ERC2: variants seen among roughly 807,000 people sequenced by gnomAD.
ERC2 encodes ELKS/RAB6-interacting/CAST family member 2.
ERC2 carries 42 observed loss-of-function variants against 114.8 expected under a neutral mutation model. The observed-to-expected ratio is 0.37, with a 90% CI of 0.29 to 0.47. ERC2 has a LOEUF of 0.47. Among genes scored for constraint, ERC2 ranks in the 20% least tolerant of loss-of-function variants. The pLI is 0.99. For missense variants in ERC2, 939 were observed against 1,150.7 expected (o/e 0.82, Z 2.66); for synonymous variants, 454 against 425.5 (o/e 1.07, Z -0.82).
chr3:56,048,237 C>T (rs2075577778), intron 7 of ERC2, among the ~76,000 whole-genome samples: 1 of 152,164 alleles, frequency 6.6e-6, no homozygotes. Flanking sequence ...CAGGAAGAAG[C>T]TATAAGCCAA....
chr3:55,643,373 A>G (rs1423332664), intron 17 of ERC2, among the ~76,000 whole-genome samples: 3 of 152,246 alleles, frequency 2.0e-5, no homozygotes, highest in African/African-American at 7.2e-5. Flanking sequence ...GTGGATATAG[A>G]GCACTGGCAA....
At chr3:56,426,259 T>A (rs2061566552) in intron 2 of ERC2, among the ~76,000 whole-genome samples, 3 of 152,102 alleles carry the variant, frequency 2.0e-5, no homozygotes, top group Admixed American at 2.0e-4. Flanking sequence ...AGTGAGTACA[T>A]CTGAGTCGCT....
chr3:55,526,216 G>C (rs1308125771), intron 17 of ERC2, among the ~76,000 whole-genome samples: 1 of 152,136 alleles, frequency 6.6e-6, no homozygotes, highest in Non-Finnish European at 1.5e-5. Context: ...TTCGAAGAGG[G>C]AATGGCCCTG....
chr3:55,639,623 T>C (rs529749082), intron 17 of ERC2, among the ~76,000 whole-genome samples: 11 of 151,594 alleles, frequency 7.3e-5, no homozygotes, highest in Non-Finnish European at 1.5e-4. Flanking sequence ...GTTGCTTAAA[T>C]CTACGTCAGT....
intron 13 of ERC2, among the ~76,000 whole-genome samples, chr3:55,946,081 TA>T: frequency 6.7e-6 from 1 of 148,740 alleles, no homozygotes; most frequent in East Asian, 2.0e-4. Flanking sequence ...AAAAAATAAA[TA>T]AAAATAAAAA....
At chr3:56,219,413 T>C (rs1286703582) in intron 3 of ERC2, among the ~76,000 whole-genome samples, 1 of 152,064 alleles carries the variant, frequency 6.6e-6, no homozygotes, top group African/African-American at 2.4e-5. Flanking sequence ...TAAACAGACA[T>C]CTGGGGAATG....
chr3:55,838,173 C>T (rs187573147), intron 14 of ERC2, among the ~76,000 whole-genome samples: 4,832 of 151,638 alleles, frequency 0.032, 121 homozygotes, highest in Middle Eastern at 0.061. Context: ...AAATCAACAA[C>T]GGGATAGAAG....
intron 2 of ERC2, among the ~76,000 whole-genome samples, chr3:56,386,620 T>C (rs1203997107): frequency 6.6e-6 from 1 of 152,146 alleles, no homozygotes; most frequent in Non-Finnish European, 1.5e-5. Context: ...GTCATTCTGA[T>C]TATAAGCAGG....
chr3:56,250,070 C>A (rs1051766610), intron 3 of ERC2, among the ~76,000 whole-genome samples: 3 of 151,520 alleles, frequency 2.0e-5, no homozygotes, highest in Non-Finnish European at 4.4e-5. Flanking sequence ...TTGGGCCAGG[C>A]TGGTCTTGAA....
intron 17 of ERC2, among the ~76,000 whole-genome samples, chr3:55,619,983 A>C (rs935776720): frequency 4.6e-5 from 7 of 152,188 alleles, no homozygotes; most frequent in African/African-American, 1.7e-4. Context: ...CATTAAAGAA[A>C]TTTCACTGAC....
chr3:56,033,852 G>C (rs887893177), intron 7 of ERC2, among the ~76,000 whole-genome samples: 2 of 152,084 alleles, frequency 1.3e-5, no homozygotes, highest in African/African-American at 4.8e-5. Flanking sequence ...TTGGAAGGCA[G>C]TGGCATGATC....
chr3:55,646,233 T>C (rs2060392510), intron 17 of ERC2, among the ~76,000 whole-genome samples: 1 of 152,254 alleles, frequency 6.6e-6, no homozygotes, highest in African/African-American at 2.4e-5. Flanking sequence ...CCTGCAATTC[T>C]TAATCCAACC....
intron 6 of ERC2, among the ~76,000 whole-genome samples, chr3:56,113,392 A>AT (rs2079062431): frequency 6.6e-6 from 1 of 152,204 alleles, no homozygotes; most frequent in Non-Finnish European, 1.5e-5. Flanking sequence ...TGCTGACCAT[A>AT]AAGATACCTC....
intron 15 of ERC2, among the ~76,000 whole-genome samples, chr3:55,707,670 C>T (rs1328514001): frequency 1.3e-5 from 2 of 152,176 alleles, no homozygotes; most frequent in Admixed American, 6.5e-5. Context: ...AAATAATAAC[C>T]AATGCCTGCT....
intron 14 of ERC2, among the ~76,000 whole-genome samples, chr3:55,816,365 G>A (rs1240038294): frequency 6.6e-6 from 1 of 152,200 alleles, no homozygotes; most frequent in East Asian, 1.9e-4. Flanking sequence ...GAATATGAGT[G>A]TGAGCCTTAT....
chr3:55,985,232 C>T (rs1296833745), intron 12 of ERC2, among the ~76,000 whole-genome samples: 1 of 152,166 alleles, frequency 6.6e-6, no homozygotes, highest in African/African-American at 2.4e-5. Flanking sequence ...GCTTGGGCCT[C>T]CTACATTGGA....
At chr3:56,467,739 AT>A (rs1559542392) in intron 1 of ERC2, among the ~76,000 whole-genome samples, 3 of 151,900 alleles carry the variant, frequency 2.0e-5, no homozygotes, top group Non-Finnish European at 4.4e-5. Flanking sequence ...TTAAAAAAAA[AT>A]ATGCTCCCCT....
rs35237655 is a variant in ERC2 at position 56,353,807 on chromosome 3, A to AATATAT, written c.658-57378_658-57373dup. ...TACCCTAGAACTTAACGTATAATAAAATATATATATATATATAAAGAAATA... is the reference window on the plus strand; with the variant it reads ...TACCCTAGAACTTAACGTATAATAAAATATATATATATATATATATATAAAGAAATA... On this transcript the variant is annotated intron_variant, in intron 2 of 17. Coordinates refer to ENST00000288221, the MANE Select transcript of ERC2 (RefSeq NM_015576.3). Among the ~76,000 whole-genome samples, 111 of 147,908 alleles carry AATATAT rather than the reference A, an allele frequency of 7.5e-4. 1 individual carries two copies. Among genetic ancestry groups the AATATAT allele is most frequent in the East Asian group, 6.5e-3 (33 of 5,066 alleles).
At chr3:56,200,983 C>T (rs1462113412) in intron 3 of ERC2, among the ~76,000 whole-genome samples, 1 of 152,182 alleles carries the variant, frequency 6.6e-6, no homozygotes, top group Non-Finnish European at 1.5e-5. Context: ...TTACTATGTG[C>T]CAGGCACTGT....
Sources: gnomAD v4.1 joint callset for allele counts (sites outside exome capture counted in the v4.1 genomes callset) on GRCh38, gnomAD v4.1.1 for gene constraint, MANE v1.5 for transcripts, NCBI Gene and HGNC (gene_info 2026-07-23, HGNC 2026-07-21) for gene names.